GRIN2B: variants seen among roughly 807,000 people sequenced by gnomAD.
GRIN2B encodes glutamate receptor ionotropic, NMDA 2B.
In GRIN2B, 5 loss-of-function variants were observed where a neutral mutation model predicts 114.5. That is an observed-to-expected ratio of 0.04 (90% confidence interval 0.02 to 0.09). The LOEUF (loss-of-function observed/expected upper bound fraction) is 0.09, where lower values mean the gene tolerates loss of function less well. Ranked by LOEUF, GRIN2B falls within the 10% of genes least tolerant of loss-of-function variation. GRIN2B has a pLI of 1.00. For synonymous variants in GRIN2B, 787 were observed against 745.1 expected (o/e 1.06, Z -0.92); for missense variants, 1,108 against 1,943.5 (o/e 0.57, Z 8.08).
intron 4 of GRIN2B, among the ~76,000 whole-genome samples, chr12:13,713,080 T>G (rs533771906): frequency 6.6e-6 from 1 of 151,986 alleles, no homozygotes; most frequent in East Asian, 1.9e-4. Context: ...AATTAAAATA[T>G]AGGCAGGATA....
chr12:13,675,716 G>C (rs1274496929), intron 5 of GRIN2B, 29 bp downstream of exon 5: 1 of 1,321,202 alleles, frequency 7.6e-7, no homozygotes, highest in Non-Finnish European at 1.1e-6. Context: ...ACTCTACTTT[G>C]CTCAAGAATT....
At chr12:13,650,817 C>T (rs1949805843) in intron 5 of GRIN2B, among the ~76,000 whole-genome samples, 1 of 152,062 alleles carries the variant, frequency 6.6e-6, no homozygotes, top group Admixed American at 6.6e-5. Flanking sequence ...TTCTATCTTT[C>T]CTGCTAGAAT....
intron 4 of GRIN2B, among the ~76,000 whole-genome samples, chr12:13,714,492 A>G (rs893588938): frequency 4.0e-5 from 6 of 151,840 alleles, no homozygotes; most frequent in South Asian, 2.1e-4. Context: ...CCAGACTCCA[A>G]ACTTTTTAAA....
rs76528418 is a variant in GRIN2B at position 13,971,312 on chromosome 12, C to T, written c.-19+8616G>A. Reference sequence around the variant, plus strand: ...TTTATAGTTTGTCTTTTTAAAGACACGGATTCATAAATCTGGGTTTTTTCT... The same window carrying T: ...TTTATAGTTTGTCTTTTTAAAGACATGGATTCATAAATCTGGGTTTTTTCT... On this transcript the variant is annotated intron_variant, in intron 2 of 13. Coordinates refer to ENST00000609686, the MANE Select transcript of GRIN2B (RefSeq NM_000834.5). Among the ~76,000 whole-genome samples, 865 of 152,268 alleles carry T rather than the reference C, an allele frequency of 5.7e-3. 10 individuals carry two copies. The highest frequency in any genetic ancestry group is 0.02 in the African/African-American group (825 of 41,546).
intron 5 of GRIN2B, among the ~76,000 whole-genome samples, chr12:13,622,557 CTTTAA>C (rs1949528396): frequency 1.3e-5 from 2 of 152,042 alleles, no homozygotes; most frequent in African/African-American, 4.8e-5. Context: ...ATTTACCTAT[CTTTAA>C]TTTGTTTTCT....
intron 3 of GRIN2B, among the ~76,000 whole-genome samples, chr12:13,849,925 C>T (rs771724820): frequency 2.6e-5 from 4 of 152,148 alleles, no homozygotes; most frequent in African/African-American, 4.8e-5. Context: ...ATATCTGTCC[C>T]ATCATGCTCA....
At chr12:13,750,995 G>C (rs1029979784) in intron 4 of GRIN2B, among the ~76,000 whole-genome samples, 2 of 152,232 alleles carry the variant, frequency 1.3e-5, no homozygotes, top group African/African-American at 4.8e-5. Flanking sequence ...GTAATGCCAA[G>C]ACTGAAGCCT....
At chr12:13,891,338 T>C (rs1302240605) in intron 2 of GRIN2B, among the ~76,000 whole-genome samples, 1 of 151,956 alleles carries the variant, frequency 6.6e-6, no homozygotes, top group Non-Finnish European at 1.5e-5. Context: ...CTCCCCCTCC[T>C]CCCTTCAAGG....
At chr12:13,806,709 T>C (rs1234601185) in intron 3 of GRIN2B, among the ~76,000 whole-genome samples, 1 of 152,112 alleles carries the variant, frequency 6.6e-6, no homozygotes, top group Non-Finnish European at 1.5e-5. Context: ...GCTGTGCAGA[T>C]ACTCTCTAGT....
At chr12:13,630,601 G>T (rs1949608188) in intron 5 of GRIN2B, among the ~76,000 whole-genome samples, 1 of 152,124 alleles carries the variant, frequency 6.6e-6, no homozygotes, top group African/African-American at 2.4e-5. Context: ...CGTAGAATGA[G>T]GCTCATCTGA....
intron 3 of GRIN2B, among the ~76,000 whole-genome samples, chr12:13,855,943 G>A (rs901730771): frequency 1.3e-5 from 2 of 152,110 alleles, no homozygotes; most frequent in African/African-American, 4.8e-5. Context: ...CTAGGAAGAC[G>A]AAATTACTAA....
chr12:13,856,357 G>T (rs1331193990), intron 3 of GRIN2B, among the ~76,000 whole-genome samples: 1 of 152,102 alleles, frequency 6.6e-6, no homozygotes, highest in East Asian at 1.9e-4. Context: ...AGGAAGCCAG[G>T]GCGGTTTTAA....
At chr12:13,910,134 A>G (rs1866605818) in intron 2 of GRIN2B, among the ~76,000 whole-genome samples, 1 of 152,186 alleles carries the variant, frequency 6.6e-6, no homozygotes, top group Admixed American at 6.5e-5. Context: ...GACAAATATA[A>G]TAATGTTCCT....
At chr12:13,762,466 G>A (rs552057236) in intron 3 of GRIN2B, among the ~76,000 whole-genome samples, 9 of 152,274 alleles carry the variant, frequency 5.9e-5, no homozygotes, top group African/African-American at 1.7e-4. Context: ...ACGTACTAGC[G>A]GCATTTTTCA....
intron 2 of GRIN2B, among the ~76,000 whole-genome samples, chr12:13,879,798 G>A (rs186306079): frequency 7.5e-4 from 114 of 152,328 alleles, no homozygotes; most frequent in Middle Eastern, 3.4e-3. Flanking sequence ...CTGACATGCC[G>A]GACACAGCTG....
chr12:13,694,070 A>G (rs1443119347), intron 4 of GRIN2B, among the ~76,000 whole-genome samples: 1 of 152,150 alleles, frequency 6.6e-6, no homozygotes, highest in Non-Finnish European at 1.5e-5. Context: ...CTTAAGGTGC[A>G]ATAAACAGCC....
At chr12:13,963,154 A>C (rs1183688142) in intron 2 of GRIN2B, among the ~76,000 whole-genome samples, 1 of 151,984 alleles carries the variant, frequency 6.6e-6, no homozygotes, top group Non-Finnish European at 1.5e-5. Flanking sequence ...CTTTTTAAAA[A>C]ATTTCCCTCT....
intron 4 of GRIN2B, among the ~76,000 whole-genome samples, chr12:13,719,983 A>G (rs1012290962): frequency 1.3e-5 from 2 of 152,012 alleles, no homozygotes; most frequent in African/African-American, 2.4e-5. Flanking sequence ...CAACTATCCC[A>G]AACCATGGGA....
rs1246972303 is a variant in GRIN2B, at chr12:13,561,459, C to T, written c.*1324G>A. ...AGCTCATTTCTCTTAACTGTCTGCT[C>T]TGTAGCAGTTGTAATCAGTTTTGGG... is the stretch of plus-strand genomic sequence containing the variant. On this transcript the variant is annotated 3_prime_UTR_variant, in exon 14 of 14. Transcript: ENST00000609686. 6.6e-6 allele frequency: 1 copy of T among 152,574 alleles called. No homozygotes were observed. The highest frequency in any genetic ancestry group is 1.5e-5 in the Non-Finnish European group (1 of 68,070). The allele number at this position is 152,574 out of a possible 1,614,324, so 9.5% of individuals were successfully genotyped here. A position where few individuals can be genotyped will look rare whatever the true frequency, so the allele number is the denominator to read the frequency against.
Sources: gnomAD v4.1 joint callset for allele counts (sites outside exome capture counted in the v4.1 genomes callset) on GRCh38, gnomAD v4.1.1 for gene constraint, MANE v1.5 for transcripts, NCBI Gene and HGNC (gene_info 2026-07-23, HGNC 2026-07-21) for gene names.